Variants in GAD1 observed in about 807,000 individuals in gnomAD.
GAD1 encodes 67 kDa glutamic acid decarboxylase.
A neutral mutation model predicts 75.2 loss-of-function variants in GAD1; 35 were observed. The ratio of observed to expected loss-of-function variants is 0.47; its 90% confidence interval spans 0.36 to 0.62. GAD1 has a LOEUF of 0.62. GAD1 is among the 20% of genes least tolerant of loss of function. The probability of loss-of-function intolerance (pLI) is 0.00; values close to 1 mark genes in which losing one functional copy is unlikely to be tolerated. For missense variants in GAD1, 490 were observed against 758.5 expected (o/e 0.65, Z 4.16); for synonymous variants, 257 against 271.9 (o/e 0.95, Z 0.54).
At chr2:170,854,850 G>A (rs1382884200) in intron 14 of GAD1, among the ~76,000 whole-genome samples, 1 of 152,094 alleles carries the variant, frequency 6.6e-6, no homozygotes, top group Non-Finnish European at 1.5e-5. Flanking sequence ...ACTTTTAGAT[G>A]GTAGCATGCT....
chr2:170,830,802 A>G (rs1702201499), intron 4 of GAD1, 148 bp from the exon 5 acceptor site: 1 of 972,226 alleles, frequency 1.0e-6, no homozygotes. Flanking sequence ...TTTTCTGGAG[A>G]TGTGGTATAT....
At chr2:170,851,388 C>T (rs562781453) in intron 12 of GAD1, among the ~76,000 whole-genome samples, 1 of 152,292 alleles carries the variant, frequency 6.6e-6, no homozygotes, top group Admixed American at 6.5e-5. Flanking sequence ...TTTTAGTGAG[C>T]TAAGCACTTA....
Position 170,845,253 on chromosome 2 carries a change from G to C in GAD1, c.752-253G>C, listed in dbSNP as rs1258894123. 4.5e-5 allele frequency: 25 copies of C among 549,872 alleles called. No individual in the cohort carries two copies. In the East Asian group the frequency reaches 7.8e-4, roughly 17 times the overall value. The allele number at this position is 549,872 out of a possible 1,614,324, so 34.1% of individuals were successfully genotyped here. On this transcript the variant is annotated intron_variant, in intron 7 of 16. Coordinates refer to ENST00000358196, the MANE Select transcript of GAD1 (RefSeq NM_000817.3). ...TTTCTGTCTAGACTTCAGGTGGAAA[G>C]CGCACTGAAGTACACGAATCACCTC...
At chr2:170,851,744 A>G (rs1203978217) in intron 12 of GAD1, among the ~76,000 whole-genome samples, 1 of 152,218 alleles carries the variant, frequency 6.6e-6, no homozygotes, top group African/African-American at 2.4e-5. Context: ...TCATCATCAT[A>G]CATTAGACTT....
At chr2:170,826,247 C>T (rs1702022392) in intron 3 of GAD1, among the ~76,000 whole-genome samples, 1 of 152,056 alleles carries the variant, frequency 6.6e-6, no homozygotes, top group Non-Finnish European at 1.5e-5. Context: ...GGAAGTGCAG[C>T]CCAAGGAATG....
chr2:170,848,522 A>G (rs2105803017), intron 11 of GAD1, among the ~76,000 whole-genome samples: 1 of 152,106 alleles, frequency 6.6e-6, no homozygotes, highest in African/African-American at 2.4e-5. Flanking sequence ...AGAAAAAAGA[A>G]AAAGAATATC....
intron 14 of GAD1, among the ~76,000 whole-genome samples, chr2:170,854,234 A>G (rs1331479852): frequency 6.6e-6 from 1 of 152,186 alleles, no homozygotes; most frequent in Non-Finnish European, 1.5e-5. Context: ...AATTTGAACT[A>G]TTATGAAGTC....
chr2:170,821,092 C>T (rs1439572700), intron 2 of GAD1, among the ~76,000 whole-genome samples: 4 of 152,198 alleles, frequency 2.6e-5, no homozygotes, highest in Non-Finnish European at 5.9e-5. Context: ...CTCTCCTTAT[C>T]GCCTCCAACA....
At position 170,827,530 on chromosome 2, in the gene GAD1, C is replaced by T. The variant is rs532586386; in HGVS notation, c.146-1945C>T. Among the ~76,000 whole-genome samples, 144 of 152,256 alleles carry T rather than the reference C, an allele frequency of 9.5e-4. 1 individual carries two copies. Among genetic ancestry groups the T allele is most frequent in the African/African-American group, 3.3e-3 (139 of 41,528 alleles). On this transcript the variant is annotated intron_variant, in intron 3 of 16. Coordinates refer to ENST00000358196, the MANE Select transcript of GAD1 (RefSeq NM_000817.3). ...GCTCCACGCTGGCAGGTTCTCCTGC[C>T]CTTTTGGCTTAACCCTCTTTCCCCG...
intron 3 of GAD1, chr2:170,828,829 C>T: frequency 5.1e-6 from 1 of 197,814 alleles, no homozygotes; most frequent in Non-Finnish European, 1.0e-5. Flanking sequence ...GCCGTCCTCA[C>T]CTCTCCTCCC....
intron 3 of GAD1, among the ~76,000 whole-genome samples, chr2:170,823,468 C>T (rs930669915): frequency 1.3e-5 from 2 of 152,226 alleles, no homozygotes; most frequent in South Asian, 2.1e-4. Context: ...GAGGAACAGG[C>T]GCTCCATTCC....
chr2:170,828,112 C>CCTCCTCCA (rs1443153349), intron 3 of GAD1, among the ~76,000 whole-genome samples: 1 of 147,422 alleles, frequency 6.8e-6, no homozygotes, highest in African/African-American at 2.6e-5. Flanking sequence ...GCTGTCCTCC[C>CCTCCTCCA]TCTGCTGTCC....
intron 3 of GAD1, among the ~76,000 whole-genome samples, chr2:170,825,608 C>CACACAT (rs776868216): frequency 6.6e-6 from 1 of 152,230 alleles, no homozygotes; most frequent in Non-Finnish European, 1.5e-5. Context: ...CACATGCACG[C>CACACAT]ACACATACAC....
intron 3 of GAD1, among the ~76,000 whole-genome samples, chr2:170,828,266 AC>A (rs1244735421): frequency 3.1e-5 from 1 of 32,336 alleles, no homozygotes; most frequent in East Asian, 1.3e-3. Flanking sequence ...TGCTGTCCTC[AC>A]CCCTCCCCTT....
intron 2 of GAD1, among the ~76,000 whole-genome samples, chr2:170,821,557 A>G (rs933517111): frequency 1.3e-5 from 2 of 152,172 alleles, no homozygotes; most frequent in African/African-American, 2.4e-5. Context: ...TTTTCACCCA[A>G]TTAATTCTTG....
chr2:170,832,902 G>A (rs1702278296), intron 5 of GAD1, among the ~76,000 whole-genome samples: 1 of 152,196 alleles, frequency 6.6e-6, no homozygotes, highest in South Asian at 2.1e-4. Context: ...TGTCTGAGAT[G>A]CTTAGAAACA....
chr2:170,840,256 C>T (rs187622077), intron 6 of GAD1, among the ~76,000 whole-genome samples: 2 of 152,326 alleles, frequency 1.3e-5, no homozygotes, highest in South Asian at 2.1e-4. Flanking sequence ...AACCACCGCA[C>T]AGTCACTGTT....
At chr2:170,851,526 C>T (rs1702742933) in intron 12 of GAD1, among the ~76,000 whole-genome samples, 2 of 152,106 alleles carry the variant, frequency 1.3e-5, no homozygotes, top group African/African-American at 4.8e-5. Flanking sequence ...TTTGTTAGGT[C>T]CTTTAACTAA....
chr2:170,836,684 T>C lies in GAD1; in HGVS notation c.548-109T>C, dbSNP rs1190221060. 16 of 780,636 alleles carry C rather than the reference T, an allele frequency of 2.0e-5. No individual in the cohort carries two copies. The East Asian group carries it at 3.0e-4, about 15-fold the overall frequency. 48.4% of individuals were successfully genotyped at this position (780,636 alleles called of 1,614,324 possible). On this transcript the variant is annotated intron_variant, in intron 5 of 16. Coordinates refer to ENST00000358196, the MANE Select transcript of GAD1 (RefSeq NM_000817.3). Reference sequence around the variant, plus strand: ...TCCTTGAGCAGCCTTATTCGACATATCACTGGGATGGAAGCCCCATCAGTG... The same window carrying C: ...TCCTTGAGCAGCCTTATTCGACATACCACTGGGATGGAAGCCCCATCAGTG...
Sources: gnomAD v4.1 joint callset for allele counts (sites outside exome capture counted in the v4.1 genomes callset) on GRCh38, gnomAD v4.1.1 for gene constraint, MANE v1.5 for transcripts, NCBI Gene and HGNC (gene_info 2026-07-23, HGNC 2026-07-21) for gene names.